The following PDE1C variants were observed in gnomAD, a reference collection of about 807,000 sequenced individuals.
PDE1C encodes phosphodiesterase 1C, also known as dual specificity calcium/calmodulin-dependent 3',5'-cyclic nucleotide phosphodiesterase 1C.
In PDE1C, 62 loss-of-function variants were observed where a neutral mutation model predicts 93.1. That is an observed-to-expected ratio of 0.67 (90% CI 0.54 to 0.82). The LOEUF is 0.82. PDE1C is among the 40% of genes least tolerant of loss of function. The pLI is 0.00. For missense variants in PDE1C, 742 were observed against 884.6 expected (o/e 0.84, Z 2.04); for synonymous variants, 325 against 310.1 (o/e 1.05, Z -0.50).
At position 32,173,905 on chromosome 7, in the gene PDE1C, C is replaced by G. The variant is rs76517380; in HGVS notation, c.137-3949G>C. The stretch of plus-strand genomic sequence containing the variant: ...AGGACACCCATGGGTCAGCAAACAG[C>G]TCTTTCAATGCCCGTGCCATAACTG... On this transcript the variant is annotated intron_variant, in intron 2 of 18. Transcript: ENST00000396193. Among the ~76,000 whole-genome samples, 996 of 152,296 alleles carry G rather than the reference C, an allele frequency of 6.5e-3. 15 individuals are homozygous for G. Among genetic ancestry groups the G allele is most frequent in the African/African-American group, 0.022 (934 of 41,554 alleles).
intron 2 of PDE1C, among the ~76,000 whole-genome samples, chr7:31,926,309 T>A (rs1452708625): frequency 2.0e-5 from 3 of 152,226 alleles, no homozygotes; most frequent in Non-Finnish European, 2.9e-5. Context: ...CTACATAGTG[T>A]ACTGTCATGA....
the PDE1C span, among the ~76,000 whole-genome samples, chr7:31,672,781 G>A: frequency 6.6e-6 from 1 of 152,054 alleles, no homozygotes; most frequent in Non-Finnish European, 1.5e-5. Flanking sequence ...TTATAGTGAG[G>A]GTGATATGGT....
At position 32,325,743 on chromosome 7, in the gene PDE1C, A is replaced by G. The variant is rs181672916; in HGVS notation, c.310+102079T>C. Among the ~76,000 whole-genome samples the G allele has an allele frequency of 2.1e-4, 32 of 152,328 alleles. No homozygotes were observed. The East Asian group carries it at 4.8e-3, about 23-fold the overall frequency. On this transcript the variant is annotated intron_variant, in intron 1 of 1. Coordinates refer to the PDE1C transcript ENST00000672256. ...CAATTCCTCTTCCAGTGTTTTACCC[A>G]CTATTTTTGTGTACAAGGTCTAAGA... is the stretch of plus-strand genomic sequence containing the variant.
intron 2 of PDE1C, among the ~76,000 whole-genome samples, chr7:32,027,340 A>T (rs1379142120): frequency 6.6e-6 from 1 of 152,112 alleles, no homozygotes; most frequent in Admixed American, 6.6e-5. Context: ...TACAAAATAA[A>T]GCCTATTGAT....
the PDE1C span, among the ~76,000 whole-genome samples, chr7:31,734,207 C>A: frequency 2.6e-5 from 4 of 152,042 alleles, no homozygotes; most frequent in African/African-American, 9.7e-5. Context: ...CCTGGAAGAG[C>A]TGAATCTCAC....
chr7:32,387,377 A>G (rs537745138), intron 1 of PDE1C, among the ~76,000 whole-genome samples: 9,427 of 151,008 alleles, frequency 0.062, 503 homozygotes, highest in South Asian at 0.17. Context: ...CCCATCCCCA[A>G]TGAGCCGCTG....
intron 1 of PDE1C, among the ~76,000 whole-genome samples, chr7:32,234,072 C>G: frequency 6.6e-6 from 1 of 151,878 alleles, no homozygotes; most frequent in Non-Finnish European, 1.5e-5. Context: ...GAGTAAATAT[C>G]AGGGGATATT....
At chr7:31,868,061 A>C (rs547735634) in intron 6 of PDE1C, among the ~76,000 whole-genome samples, 1 of 152,366 alleles carries the variant, frequency 6.6e-6, no homozygotes, top group African/African-American at 2.4e-5. Context: ...CCCATGTGAA[A>C]GCAAATTTTA....
At chr7:31,807,851 TAATTTACTTCTTAGTCAC>T (rs1159649575) in intron 16 of PDE1C, among the ~76,000 whole-genome samples, 2 of 151,914 alleles carry the variant, frequency 1.3e-5, no homozygotes, top group Non-Finnish European at 2.9e-5. Flanking sequence ...TTGTTCTGTG[TAATTTACTTCTTAGTCAC>T]AATTATTCAA....
At chr7:32,075,319 G>A (rs376055441), upstream of PDE1C, among the ~76,000 whole-genome samples, 14 of 152,274 alleles carry the variant, frequency 9.2e-5, 3 homozygotes. Context: ...GCATCATGAA[G>A]AGAGTCTGTT....
At chr7:31,834,528 G>A (rs1472762974) in intron 11 of PDE1C, among the ~76,000 whole-genome samples, 1 of 152,194 alleles carries the variant, frequency 6.6e-6, no homozygotes, top group Non-Finnish European at 1.5e-5. Context: ...GTGAGACATA[G>A]AGTCAAAAGG....
chr7:32,230,122 A>C (rs922313516), intron 1 of PDE1C, among the ~76,000 whole-genome samples: 3 of 152,154 alleles, frequency 2.0e-5, no homozygotes, highest in African/African-American at 7.2e-5. Context: ...GAAAGCTTCT[A>C]AGCCCTCCCA....
chr7:32,004,580 G>C (rs191341472), intron 2 of PDE1C, among the ~76,000 whole-genome samples: 79 of 152,288 alleles, frequency 5.2e-4, no homozygotes, highest in Admixed American at 2.2e-3. Flanking sequence ...CTGGGGTCTT[G>C]TGAGGCCTAG....
chr7:32,382,401 C>A (rs893517499), intron 1 of PDE1C, among the ~76,000 whole-genome samples: 1 of 152,184 alleles, frequency 6.6e-6, no homozygotes, highest in East Asian at 1.9e-4. Flanking sequence ...CTGTCTTGGC[C>A]CCCCTACCTT....
chr7:31,700,006 T>C, the PDE1C span, among the ~76,000 whole-genome samples: 18 of 152,192 alleles, frequency 1.2e-4, no homozygotes, highest in South Asian at 3.7e-3. Context: ...CACAAAGATA[T>C]TGAAATAAGG....
chr7:32,002,689 C>T lies in PDE1C; in HGVS notation c.128+48865G>A, dbSNP rs550708327. ...CCCCATCCCAATAAGAATTATGTGC[C>T]ACCTCTTATGAAATTTTGCACAGAT... is the stretch of plus-strand genomic sequence containing the variant. On this transcript the variant is annotated intron_variant, in intron 2 of 17. Coordinates refer to ENST00000396191, the MANE Select transcript of PDE1C (RefSeq NM_001191057.4). Among the ~76,000 whole-genome samples, 3 of 152,212 alleles carry T rather than the reference C, an allele frequency of 2.0e-5. No individual in the cohort carries two copies. In the East Asian group the frequency reaches 5.8e-4, roughly 29 times the overall value.
chr7:31,662,601 G>A, the PDE1C span, among the ~76,000 whole-genome samples: 1 of 152,194 alleles, frequency 6.6e-6, no homozygotes, highest in Non-Finnish European at 1.5e-5. Context: ...TCTGTGTTGT[G>A]TAGACGTATG....
intron 2 of PDE1C, among the ~76,000 whole-genome samples, chr7:31,916,002 C>A (rs1307475749): frequency 6.6e-6 from 1 of 152,064 alleles, no homozygotes; most frequent in Non-Finnish European, 1.5e-5. Flanking sequence ...TTTCTCTGTG[C>A]TCCATGTCTT....
At chr7:31,921,570 T>C (rs545243215) in intron 2 of PDE1C, among the ~76,000 whole-genome samples, 23 of 152,284 alleles carry the variant, frequency 1.5e-4, no homozygotes, top group African/African-American at 5.5e-4. Context: ...TTGTAAACAT[T>C]TAACTCCTCA....
Sources: allele counts gnomAD v4.1 joint callset (sites outside exome capture counted in the v4.1 genomes callset), GRCh38; gene constraint gnomAD v4.1.1; transcripts MANE v1.5; gene names NCBI Gene and HGNC (gene_info 2026-07-23, HGNC 2026-07-21).